SNX25: variants seen among roughly 807,000 people sequenced by gnomAD.
SNX25 encodes sorting nexin-25.
In SNX25, 62 loss-of-function variants were observed where a neutral mutation model predicts 113.7. The observed-to-expected ratio is 0.55, with a 90% confidence interval of 0.44 to 0.67. SNX25 has a LOEUF of 0.67. Ranked by LOEUF, SNX25 falls within the 30% of genes least tolerant of loss-of-function variation. The pLI, the probability that SNX25 is intolerant of heterozygous loss-of-function variation, is 0.00. For missense variants in SNX25, 1,014 were observed against 1,161.0 expected (o/e 0.87, Z 1.84); for synonymous variants, 421 against 436.2 (o/e 0.97, Z 0.43).
intron 10 of SNX25, among the ~76,000 whole-genome samples, chr4:185,335,887 A>G (rs2095227035): frequency 6.6e-6 from 1 of 152,216 alleles, no homozygotes; most frequent in Non-Finnish European, 1.5e-5. Context: ...TGAAAATAAA[A>G]TGATCACAGT....
intron 4 of SNX25, among the ~76,000 whole-genome samples, chr4:185,266,413 T>G (rs1005238965): frequency 6.6e-6 from 1 of 152,146 alleles, no homozygotes; most frequent in Non-Finnish European, 1.5e-5. Flanking sequence ...AAGGCTGGAG[T>G]GCAGTGGCGA....
chr4:185,311,507 T>C (rs917201644), intron 7 of SNX25, among the ~76,000 whole-genome samples: 1 of 152,146 alleles, frequency 6.6e-6, no homozygotes, highest in Non-Finnish European at 1.5e-5. Context: ...ACCTGGAGCA[T>C]ACTAAGATAG....
chr4:185,254,337 G>T (rs934044356), intron 2 of SNX25, among the ~76,000 whole-genome samples: 4 of 152,138 alleles, frequency 2.6e-5, no homozygotes, highest in African/African-American at 9.7e-5. Flanking sequence ...AATTGTTGCT[G>T]TTGTTGTTTA....
chr4:185,209,206 C>T (rs572435092), upstream of SNX25: 4 of 152,284 alleles, frequency 2.6e-5, no homozygotes, highest in South Asian at 8.3e-4. This position sits in a 1 kb window ranked among gnomAD's most constrained non-coding sequence, Gnocchi z 5.2. Context: ...CAGGGAGTCT[C>T]GGGAACGGTT....
chr4:185,212,864 T>C (rs1168857206), intron 1 of SNX25, among the ~76,000 whole-genome samples: 1 of 152,206 alleles, frequency 6.6e-6, no homozygotes, highest in Admixed American at 6.5e-5. Context: ...AAGAAGAGAA[T>C]CCTCATTTAT....
Position 185,289,869 on chromosome 4 carries a change from A to C in SNX25, c.1162+1787A>C, listed in dbSNP as rs1055536642. Among the ~76,000 whole-genome samples the C allele has an allele frequency of 2.6e-5, 4 of 152,176 alleles. No homozygotes were observed. In the East Asian group the frequency reaches 7.7e-4, roughly 29 times the overall value. The stretch of plus-strand genomic sequence containing the variant: ...CCATTAGTTTGCTAGGGCTACCATT[A>C]AAAAGTGCAAGCTGGGTGGTTTAAA... On this transcript the variant is annotated intron_variant, in intron 6 of 18. Transcript: ENST00000652585.
intron 6 of SNX25, among the ~76,000 whole-genome samples, chr4:185,293,449 G>C (rs533610726): frequency 6.6e-6 from 1 of 152,216 alleles, no homozygotes; most frequent in South Asian, 2.1e-4. Context: ...CAATAAAAAG[G>C]AATAAACCTT....
At chr4:185,221,878 T>G (rs1205361970) in intron 1 of SNX25, among the ~76,000 whole-genome samples, 1 of 152,110 alleles carries the variant, frequency 6.6e-6, no homozygotes, top group Non-Finnish European at 1.5e-5. Context: ...CAGGGAAGCT[T>G]TTCCTATCTT....
intron 10 of SNX25, among the ~76,000 whole-genome samples, chr4:185,336,920 G>A (rs910870267): frequency 3.3e-5 from 5 of 152,098 alleles, no homozygotes; most frequent in African/African-American, 1.2e-4. Context: ...TAGTGATGTT[G>A]AGCATTTTTT....
At chr4:185,374,647 A>G (rs2095427162), downstream of SNX25, among the ~76,000 whole-genome samples, 1 of 152,168 alleles carries the variant, frequency 6.6e-6, no homozygotes. Context: ...AGAATCTCTA[A>G]AAGTACATCT....
At chr4:185,243,618 C>A (rs1447393890) in intron 1 of SNX25, among the ~76,000 whole-genome samples, 1 of 151,970 alleles carries the variant, frequency 6.6e-6, no homozygotes, top group Admixed American at 6.6e-5. Flanking sequence ...AAAAAACCCC[C>A]AAACTGAAAC....
chr4:185,375,095 A>G (rs1217886156), downstream of SNX25, among the ~76,000 whole-genome samples: 2 of 151,850 alleles, frequency 1.3e-5, no homozygotes, highest in Admixed American at 6.6e-5. Context: ...AGAAAATAAT[A>G]TTGGACAATC....
intron 7 of SNX25, among the ~76,000 whole-genome samples, chr4:185,316,641 T>C (rs1173366869): frequency 6.6e-6 from 1 of 152,214 alleles, no homozygotes; most frequent in Non-Finnish European, 1.5e-5. Context: ...AAATGGCAGA[T>C]CTTTTCTTTA....
At chr4:185,370,913 T>C, downstream of SNX25, 1 of 1,280,436 alleles carries the variant, frequency 7.8e-7, no homozygotes, top group African/African-American at 1.5e-5. Flanking sequence ...TGAAGTGATT[T>C]CTCTCTACTG....
At chr4:185,221,187 C>T (rs548793095) in intron 1 of SNX25, among the ~76,000 whole-genome samples, 8 of 152,076 alleles carry the variant, frequency 5.3e-5, no homozygotes, top group African/African-American at 1.9e-4. Context: ...TGCATGCCAC[C>T]GCACTCAACT....
At chr4:185,267,296 A>G in intron 5 of SNX25, 141 bp downstream of exon 5, 1 of 784,792 alleles carries the variant, frequency 1.3e-6, no homozygotes, top group Non-Finnish European at 2.0e-6. Flanking sequence ...TGACAGCTAA[A>G]TTTATCCAGC....
Position 185,353,511 on chromosome 4 carries a change from G to A in SNX25, c.2493G>A (p.Leu831=). ...AGGAGACAGAGGAGGACAGTGACCT[G>A]TCAGATTATGGTGATGATGTGGATG... The part of the protein sequence containing the change: ...QEEETEEDSD[L]SDYGDDVDGR... The change falls in exon 15 of 19, where the codon CTG becomes CTA. Residue 831 remains leucine (L), a synonymous_variant. Transcript: ENST00000652585. The A allele has an allele frequency of 3.1e-6, 5 of 1,614,142 alleles. No individual in the cohort carries two copies. Among genetic ancestry groups the A allele is most frequent in the Non-Finnish European group, 4.2e-6 (5 of 1,179,980 alleles).
At chr4:185,256,624 CTTTTTT>C (rs35160292) in intron 2 of SNX25, among the ~76,000 whole-genome samples, 3 of 112,586 alleles carry the variant, frequency 2.7e-5, no homozygotes, top group East Asian at 5.9e-4. Context: ...ACCTAAATTT[CTTTTTT>C]TTTTTTTTTT....
At chr4:185,252,302 C>T (rs897842450) in intron 2 of SNX25, among the ~76,000 whole-genome samples, 5 of 152,092 alleles carry the variant, frequency 3.3e-5, no homozygotes, top group African/African-American at 1.2e-4. Flanking sequence ...TTATAATTTG[C>T]ATCTCTGGAG....
Sources: allele counts gnomAD v4.1 joint callset (sites outside exome capture counted in the v4.1 genomes callset), GRCh38; gene constraint gnomAD v4.1.1; non-coding constraint Gnocchi (gnomAD v3.1); transcripts MANE v1.5; gene names NCBI Gene and HGNC (gene_info 2026-07-23, HGNC 2026-07-21).